The following DCLK2 variants were observed in gnomAD, a reference collection of about 807,000 sequenced individuals.
The protein encoded by DCLK2 is serine/threonine-protein kinase DCLK2.
A neutral mutation model predicts 78.4 loss-of-function variants in DCLK2; 31 were observed. The observed-to-expected ratio is 0.40, with a 90% CI of 0.30 to 0.53. The LOEUF (loss-of-function observed/expected upper bound fraction) is 0.53. DCLK2 is among the 20% of genes least tolerant of loss of function. The probability of loss-of-function intolerance (pLI) is 0.61; values close to 1 mark genes in which losing one functional copy is unlikely to be tolerated. For missense variants in DCLK2, 872 were observed against 973.7 expected, an observed-to-expected ratio of 0.90 and a Z score of 1.39; for synonymous variants, 407 against 374.9, an observed-to-expected ratio of 1.09 and a Z score of -0.99.
intron 10 of DCLK2, among the ~76,000 whole-genome samples, chr4:150,237,034 T>A (rs2126588329): frequency 6.6e-6 from 1 of 152,306 alleles, no homozygotes; most frequent in Non-Finnish European, 1.5e-5. Flanking sequence ...AAATAAATAC[T>A]ATTTTTCAAA....
intron 8 of DCLK2, among the ~76,000 whole-genome samples, chr4:150,228,120 G>C (rs778831255): frequency 6.6e-6 from 1 of 152,024 alleles, no homozygotes; most frequent in African/African-American, 2.4e-5. Flanking sequence ...ACTTCCCTGT[G>C]CTTCTCTAGG....
intron 2 of DCLK2, among the ~76,000 whole-genome samples, chr4:150,131,117 G>C (rs965389581): frequency 1.3e-5 from 2 of 152,060 alleles, no homozygotes; most frequent in Non-Finnish European, 2.9e-5. Flanking sequence ...CAAACTCCTG[G>C]ACTCAAGCCA....
At chr4:150,247,265 G>A (rs1743389695) in intron 12 of DCLK2, among the ~76,000 whole-genome samples, 1 of 152,100 alleles carries the variant, frequency 6.6e-6, no homozygotes. Context: ...GTACAGTTCA[G>A]TACCACTAAA....
intron 2 of DCLK2, among the ~76,000 whole-genome samples, chr4:150,109,196 C>G (rs904703492): frequency 2.0e-5 from 3 of 152,108 alleles, no homozygotes; most frequent in Admixed American, 1.3e-4. Context: ...TCAAAAATTG[C>G]TACATAAAAG....
chr4:150,103,065 T>C (rs1730999125), intron 2 of DCLK2, among the ~76,000 whole-genome samples: 1 of 151,876 alleles, frequency 6.6e-6, no homozygotes, highest in Non-Finnish European at 1.5e-5. Flanking sequence ...CTTTTGGTTA[T>C]TGGAAGGAAA....
At chr4:150,253,119 T>G (rs1260559175) in intron 15 of DCLK2, 2 of 452,934 alleles carry the variant, frequency 4.4e-6, no homozygotes, top group Admixed American at 4.9e-5. Flanking sequence ...CTCCTCATCC[T>G]CCTCATCCTC....
chr4:150,236,414 G>A (rs530644454), intron 10 of DCLK2, among the ~76,000 whole-genome samples: 1 of 152,294 alleles, frequency 6.6e-6, no homozygotes, highest in South Asian at 2.1e-4. Context: ...TGAGTGCTGT[G>A]CGCCTCAGTC....
intron 1 of DCLK2, among the ~76,000 whole-genome samples, chr4:150,095,703 T>G (rs951269041): frequency 1.3e-5 from 2 of 152,238 alleles, no homozygotes; most frequent in African/African-American, 4.8e-5. Context: ...CCTAAGTGAT[T>G]GAACCAATCA....
intron 2 of DCLK2, among the ~76,000 whole-genome samples, chr4:150,176,223 T>C (rs1167613041): frequency 2.6e-5 from 4 of 152,160 alleles, no homozygotes; most frequent in Non-Finnish European, 4.4e-5. Context: ...ATGAATCTAA[T>C]ACTATGAGCC....
At chr4:150,127,316 GTGT>G (rs1732990437) in intron 2 of DCLK2, among the ~76,000 whole-genome samples, 1 of 152,148 alleles carries the variant, frequency 6.6e-6, no homozygotes, top group African/African-American at 2.4e-5. Context: ...TATTACTGTG[GTGT>G]TTGCCAAATA....
chr4:150,174,694 G>A (rs886792977), intron 2 of DCLK2, among the ~76,000 whole-genome samples: 9 of 150,852 alleles, frequency 6.0e-5, no homozygotes, highest in Admixed American at 1.3e-4. Context: ...AAGTGAAGAC[G>A]GTACTTAAAA....
At position 150,134,632 on chromosome 4, in the gene DCLK2, C is replaced by A. The variant is rs181995761; in HGVS notation, c.756+31820C>A. ...TGCTTATATTACTTTGAAAACAATTCTCTGCAGTGTTGGAAGTGCCTAGGA... is the reference window on the plus strand; with the variant it reads ...TGCTTATATTACTTTGAAAACAATTATCTGCAGTGTTGGAAGTGCCTAGGA... On this transcript the variant is annotated intron_variant, in intron 2 of 15. Transcript: ENST00000296550. Among the ~76,000 whole-genome samples, 44 of 152,180 alleles carry A rather than the reference C, an allele frequency of 2.9e-4. No homozygotes were observed. The South Asian group carries it at 2.9e-3, about 10-fold the overall frequency.
At chr4:150,170,586 T>A (rs908196253) in intron 2 of DCLK2, among the ~76,000 whole-genome samples, 2 of 152,196 alleles carry the variant, frequency 1.3e-5, no homozygotes, top group African/African-American at 4.8e-5. Context: ...ATAGAAGATA[T>A]TCCCTCTGAT....
At chr4:150,199,039 G>T in intron 4 of DCLK2, 1 of 1,596,156 alleles carries the variant, frequency 6.3e-7, no homozygotes, top group Non-Finnish European at 8.5e-7. Context: ...AAAGCGGGGT[G>T]GCCACTACTC....
At chr4:150,219,469 C>T (rs924912295) in intron 5 of DCLK2, among the ~76,000 whole-genome samples, 4 of 151,982 alleles carry the variant, frequency 2.6e-5, no homozygotes, top group Admixed American at 6.6e-5. Flanking sequence ...CCATGTTGGT[C>T]AGGCTGGTCT....
chr4:150,221,972 G>GTTTATTTATTTA (rs754540919), intron 7 of DCLK2, among the ~76,000 whole-genome samples, 187 bp downstream of exon 7: 10 of 150,408 alleles, frequency 6.6e-5, no homozygotes, highest in Non-Finnish European at 1.2e-4. Context: ...TTGTTTGTTT[G>GTTTATTTATTTA]TTTGTTTATT....
chr4:150,109,375 G>A (rs1207253428), intron 2 of DCLK2, among the ~76,000 whole-genome samples: 3 of 147,706 alleles, frequency 2.0e-5, no homozygotes, highest in South Asian at 2.1e-4. Flanking sequence ...TGGCTCTGTC[G>A]CCAGGCTGGA....
At chr4:150,235,936 T>C (rs925042589) in intron 10 of DCLK2, among the ~76,000 whole-genome samples, 1 of 152,184 alleles carries the variant, frequency 6.6e-6, no homozygotes, top group African/African-American at 2.4e-5. Context: ...CCGTTAATGC[T>C]GTGAGTTACA....
chr4:150,226,094 A>C (rs1741585592), intron 8 of DCLK2, among the ~76,000 whole-genome samples: 1 of 152,200 alleles, frequency 6.6e-6, no homozygotes, highest in South Asian at 2.1e-4. Flanking sequence ...GAACCCCTAA[A>C]CTGGTCTTCA....
Sources: gnomAD v4.1 joint callset for allele counts (sites outside exome capture counted in the v4.1 genomes callset) on GRCh38, gnomAD v4.1.1 for gene constraint, MANE v1.5 for transcripts, NCBI Gene and HGNC (gene_info 2026-07-23, HGNC 2026-07-21) for gene names.